Variants in ZSCAN5A observed in about 807,000 individuals in gnomAD.
ZSCAN5A encodes the protein zinc finger and SCAN domain-containing protein 5A.
Under a neutral mutation model 23.7 loss-of-function variants are expected in ZSCAN5A, and 12 were observed. The observed-to-expected ratio is 0.51, with a 90% CI of 0.32 to 0.82. The LOEUF is 0.82. Among genes scored for constraint, ZSCAN5A ranks in the 40% least tolerant of loss-of-function variants. ZSCAN5A has a pLI of 0.03. For missense variants in ZSCAN5A, 597 were observed against 617.9 expected, an observed-to-expected ratio of 0.97 and a Z score of 0.36; for synonymous variants, 257 against 239.9, an observed-to-expected ratio of 1.07 and a Z score of -0.66.
exon 1 of ZSCAN5A, chr19:56,368,229 T>A (rs1171685457): frequency 6.6e-6 from 1 of 152,364 alleles, no homozygotes; most frequent in African/African-American, 2.4e-5. Context: ...AGGTAGCTCG[T>A]CTCTTAGCCA....
upstream of ZSCAN5A, chr19:56,317,135 C>T (rs1271585840): frequency 1.3e-5 from 2 of 152,300 alleles, no homozygotes; most frequent in Admixed American, 1.3e-4. Flanking sequence ...CATGCCTGGA[C>T]TAGGCTTCTT....
At chr19:56,286,124 C>T (rs988532523) in intron 2 of ZSCAN5A, among the ~76,000 whole-genome samples, 29 of 152,068 alleles carry the variant, frequency 1.9e-4, no homozygotes, top group African/African-American at 7.0e-4. Flanking sequence ...CGGGTTCAAG[C>T]GATTCTCCTG....
At chr19:56,224,417 G>A (rs2033680950) in intron 3 of ZSCAN5A, 1 of 612,264 alleles carries the variant, frequency 1.6e-6, no homozygotes, top group Non-Finnish European at 2.7e-6. Flanking sequence ...GCTGATATTG[G>A]AATCTGGATG....
intron 2 of ZSCAN5A, among the ~76,000 whole-genome samples, chr19:56,265,862 A>C (rs2037435277): frequency 6.6e-6 from 1 of 152,172 alleles, no homozygotes; most frequent in African/African-American, 2.4e-5. Flanking sequence ...TGTAAAAATA[A>C]GGATCTGGTG....
intron 2 of ZSCAN5A, among the ~76,000 whole-genome samples, chr19:56,255,597 T>C (rs1483636111): frequency 1.3e-5 from 2 of 151,864 alleles, no homozygotes; most frequent in African/African-American, 2.4e-5. Flanking sequence ...CCCAACGTGG[T>C]TTTTCCCTTT....
At chr19:56,281,581 A>C (rs1042385713) in intron 2 of ZSCAN5A, 17 of 465,702 alleles carry the variant, frequency 3.7e-5, no homozygotes, top group African/African-American at 3.2e-4. Flanking sequence ...TGAAGGAATA[A>C]AGAAATGCAT....
intron 2 of ZSCAN5A, among the ~76,000 whole-genome samples, chr19:56,309,416 T>C (rs1165968570): frequency 6.6e-6 from 1 of 152,238 alleles, no homozygotes; most frequent in Non-Finnish European, 1.5e-5. Flanking sequence ...GGCCACTAAA[T>C]TGTGCCCTTT....
intron 2 of ZSCAN5A, among the ~76,000 whole-genome samples, chr19:56,295,600 C>CA (rs1484323430): frequency 1.3e-5 from 2 of 151,962 alleles, no homozygotes; most frequent in Admixed American, 6.6e-5. Context: ...GTCTAAAAAA[C>CA]AAAAAACAAA....
chr19:56,320,085 T>C, intron 2 of ZSCAN5A: 2 of 773,588 alleles, frequency 2.6e-6, no homozygotes, highest in Non-Finnish European at 4.8e-6. Flanking sequence ...TACCTGTCAC[T>C]GTCTGAAGGC....
intron 2 of ZSCAN5A, among the ~76,000 whole-genome samples, chr19:56,294,905 C>G (rs998594654): frequency 3.3e-5 from 5 of 152,220 alleles, no homozygotes; most frequent in Non-Finnish European, 7.3e-5. Flanking sequence ...GACTCTGTCT[C>G]TACGACATGT....
At position 56,351,426 on chromosome 19, in the gene ZSCAN5A, T is replaced by C. The variant is rs2041666713; in HGVS notation, c.-358+11809A>G. Among the ~76,000 whole-genome samples, 1 of 152,100 alleles carries C rather than the reference T, an allele frequency of 6.6e-6. No individual in the cohort carries two copies. The highest frequency in any genetic ancestry group is 2.1e-4 in the South Asian group (1 of 4,832). On this transcript the variant is annotated intron_variant, in intron 2 of 6. Coordinates refer to the ZSCAN5A transcript ENST00000587340. This position sits in a 1 kb window ranked among gnomAD's most constrained non-coding sequence, Gnocchi z 4.8. ...GGCTATGGCGGGAGGGCCTGGTTTC[T>C]CCCAGGCTACATGAATAACACACCT...
intron 2 of ZSCAN5A, among the ~76,000 whole-genome samples, chr19:56,242,863 C>T (rs1417310326): frequency 6.6e-6 from 1 of 152,160 alleles, no homozygotes; most frequent in African/African-American, 2.4e-5. Flanking sequence ...ACTACAACTT[C>T]CACCTCCCTG....
intron 2 of ZSCAN5A, among the ~76,000 whole-genome samples, chr19:56,273,075 G>A (rs1014406727): frequency 6.6e-6 from 1 of 152,174 alleles, no homozygotes; most frequent in Non-Finnish European, 1.5e-5. Flanking sequence ...ACACAGTGGG[G>A]TGAATGAGTC....
At chr19:56,245,239 T>C (rs2035780796) in intron 2 of ZSCAN5A, 1 of 632,526 alleles carries the variant, frequency 1.6e-6, no homozygotes. Flanking sequence ...TCAATTTTCT[T>C]GGCAAGGAAT....
intron 2 of ZSCAN5A, among the ~76,000 whole-genome samples, chr19:56,340,133 C>T (rs1017728994): frequency 3.3e-5 from 5 of 152,064 alleles, no homozygotes; most frequent in Non-Finnish European, 7.4e-5. Flanking sequence ...GCTATGGAGA[C>T]TCATGCAACC....
chr19:56,231,786 C>A (rs2034482408), intron 2 of ZSCAN5A, among the ~76,000 whole-genome samples: 1 of 152,152 alleles, frequency 6.6e-6, no homozygotes, highest in Non-Finnish European at 1.5e-5. Flanking sequence ...CCTGTGCCTG[C>A]ATGTCCAGAG....
intron 2 of ZSCAN5A, among the ~76,000 whole-genome samples, chr19:56,362,491 C>T (rs1008395537): frequency 1.3e-5 from 2 of 152,016 alleles, no homozygotes; most frequent in East Asian, 3.9e-4. Context: ...ATCACTTGAG[C>T]CCAGGAGGCA....
At position 56,271,644 on chromosome 19, in the gene ZSCAN5A, G is replaced by A. The variant is rs193043171; in HGVS notation, c.-128+41639C>T. ...ATGAGATGGTCCAGCTTGTACTAGG[G>A]ATTGAAACATAGATAGCACCAGAGA... On this transcript the variant is annotated intron_variant, in intron 2 of 5. Coordinates refer to ENST00000683990, the MANE Select transcript of ZSCAN5A (RefSeq NM_001322064.3). Among the ~76,000 whole-genome samples, 19 of 152,294 alleles carry A rather than the reference G, an allele frequency of 1.2e-4. No individual in the cohort carries two copies. The East Asian group carries it at 3.7e-3, about 29-fold the overall frequency.
chr19:56,323,344 G>A (rs1355978145), intron 2 of ZSCAN5A, among the ~76,000 whole-genome samples: 1 of 151,682 alleles, frequency 6.6e-6, no homozygotes, highest in Non-Finnish European at 1.5e-5. Context: ...TAGGTGCATA[G>A]TTTATTTTTT....
Sources: gnomAD v4.1 joint callset for allele counts (sites outside exome capture counted in the v4.1 genomes callset) on GRCh38, gnomAD v4.1.1 for gene constraint, Gnocchi (gnomAD v3.1) non-coding constraint, MANE v1.5 for transcripts, NCBI Gene and HGNC (gene_info 2026-07-23, HGNC 2026-07-21) for gene names.